The following PCNX2 variants were observed in gnomAD, a reference collection of about 807,000 sequenced individuals.
The protein encoded by PCNX2 is pecanex-like protein 2.
Under a neutral mutation model 223.8 loss-of-function variants are expected in PCNX2, and 168 were observed. The ratio of observed to expected loss-of-function variants is 0.75; its 90% confidence interval spans 0.66 to 0.85. PCNX2 has a LOEUF of 0.85. PCNX2 is among the 40% of genes least tolerant of loss of function. PCNX2 has a pLI of 0.00. For synonymous variants in PCNX2, 1,006 were observed against 1,052.6 expected, an observed-to-expected ratio of 0.96 and a Z score of 0.86; for missense variants, 2,507 against 2,675.5, an observed-to-expected ratio of 0.94 and a Z score of 1.39.
At chr1:233,092,467 G>A (rs1343838107) in intron 22 of PCNX2, among the ~76,000 whole-genome samples, 1 of 152,176 alleles carries the variant, frequency 6.6e-6, no homozygotes, top group Non-Finnish European at 1.5e-5. Context: ...AAGAAGTGAG[G>A]AAACTGTGCT....
At chr1:233,252,889 T>C in intron 5 of PCNX2, 101 bp from the exon 6 acceptor site, 1 of 1,208,752 alleles carries the variant, frequency 8.3e-7, no homozygotes, top group Non-Finnish European at 1.1e-6. Flanking sequence ...AGAAAGAAAA[T>C]CTAAGCAGCT....
rs1676117791 is a variant in PCNX2, at chr1:233,126,672, T to A, written c.3837+8341A>T. On this transcript the variant is annotated intron_variant, in intron 21 of 33. Transcript: ENST00000258229. The surrounding 1 kb of genome is among the most constrained non-coding windows in gnomAD (Gnocchi z 4.8). Reference sequence around the variant, plus strand: ...TTGTATTTTCCATTGCTTTTCTAATTTTATCATGATAAGAATATATTTAGG... The same window carrying A: ...TTGTATTTTCCATTGCTTTTCTAATATTATCATGATAAGAATATATTTAGG... 6.6e-6 allele frequency among the ~76,000 whole-genome samples: 1 copy of A among 152,306 alleles called. No homozygotes were observed. Among genetic ancestry groups the A allele is most frequent in the Admixed American group, 6.5e-5 (1 of 15,292 alleles).
Position 233,232,972 on chromosome 1 carries a change from G to A in PCNX2, c.2358+3873C>T, listed in dbSNP as rs111939184. ...TATCTCATTTTTTAATGTAAGACAA[G>A]CTGAATGAGTTGGAGACCATATCCA... On this transcript the variant is annotated intron_variant, in intron 9 of 33. Transcript: ENST00000258229. The A allele has an allele frequency of 1.2e-3, 1,192 of 985,326 alleles. 8 individuals carry two copies. In the African/African-American group the frequency reaches 0.015, roughly 13 times the overall value. The allele number at this position is 985,326 out of a possible 1,614,324, so 61.0% of individuals were successfully genotyped here. A position where few individuals can be genotyped will look rare whatever the true frequency, so the allele number is the denominator to read the frequency against.
chr1:233,216,289 G>A (rs1656900547), intron 12 of PCNX2, among the ~76,000 whole-genome samples: 1 of 152,232 alleles, frequency 6.6e-6, no homozygotes, highest in Non-Finnish European at 1.5e-5. Flanking sequence ...TCAGAGGAAA[G>A]CACATGGGTG....
intron 23 of PCNX2, among the ~76,000 whole-genome samples, chr1:233,066,562 C>A (rs1672617411): frequency 1.3e-5 from 2 of 152,220 alleles, no homozygotes; most frequent in South Asian, 2.1e-4. Flanking sequence ...GCCTGCCCAG[C>A]CCCACTGCAG....
intron 17 of PCNX2, among the ~76,000 whole-genome samples, chr1:233,165,557 T>C (rs1303275860): frequency 2.6e-5 from 4 of 152,200 alleles, no homozygotes; most frequent in Non-Finnish European, 4.4e-5. Context: ...TAATTTGCCT[T>C]TTCCAATGAC....
rs990897741 is a variant in PCNX2, at chr1:233,242,314, G to A, written c.2223-5334C>T. On this transcript the variant is annotated intron_variant, in intron 8 of 33. Coordinates refer to ENST00000258229, the MANE Select transcript of PCNX2 (RefSeq NM_014801.4). ...ACTCTTATTTTTTAAATAAAAACAA[G>A]TTGAAGTTCCATCCTTGATATAAAA... Among the ~76,000 whole-genome samples, 3 of 152,206 alleles carry A rather than the reference G, an allele frequency of 2.0e-5. No homozygotes were observed. In the South Asian group the frequency reaches 6.2e-4, roughly 32 times the overall value.
intron 15 of PCNX2, among the ~76,000 whole-genome samples, chr1:233,190,324 G>C (rs1446091026): frequency 6.6e-6 from 1 of 152,170 alleles, no homozygotes; most frequent in Non-Finnish European, 1.5e-5. Flanking sequence ...TTTGATTGAA[G>C]ATGGGTGAGC....
intron 13 of PCNX2, 117 bp from the exon 14 acceptor site, chr1:233,200,381 A>ATAT: frequency 2.3e-6 from 1 of 429,180 alleles, no homozygotes; most frequent in Non-Finnish European, 3.8e-6. Flanking sequence ...ACTGGAGGCA[A>ATAT]TCTTTTTTTT....
rs1675192211 is a variant in PCNX2, at chr1:233,112,842, T to C, written c.3838-16979A>G. On this transcript the variant is annotated intron_variant, in intron 21 of 33. Transcript: ENST00000258229. ...CAAATGGGGAGAAAAAGCTGACTCTTACTTTGAAGGCTGAAGGGCAGAGGA... is the reference window on the plus strand; with the variant it reads ...CAAATGGGGAGAAAAAGCTGACTCTCACTTTGAAGGCTGAAGGGCAGAGGA... 16 of 1,278,918 alleles carry C rather than the reference T, an allele frequency of 1.3e-5. No homozygotes were observed. In the South Asian group the frequency reaches 1.7e-4, roughly 14 times the overall value. 79.2% of individuals were successfully genotyped at this position (1,278,918 alleles called of 1,614,324 possible). A position where few individuals can be genotyped will look rare whatever the true frequency, so the allele number is the denominator to read the frequency against.
chr1:233,163,434 C>T (rs560592836), intron 17 of PCNX2, among the ~76,000 whole-genome samples: 8 of 151,118 alleles, frequency 5.3e-5, no homozygotes, highest in Non-Finnish European at 8.9e-5. Context: ...TGCAGTGAGC[C>T]GAGATCACAC....
intron 9 of PCNX2, among the ~76,000 whole-genome samples, chr1:233,236,442 C>T (rs895478931): frequency 2.0e-5 from 3 of 151,564 alleles, no homozygotes; most frequent in African/African-American, 7.3e-5. Flanking sequence ...TTATGTCAAA[C>T]ATTTAAGAAT....
intron 1 of PCNX2, among the ~76,000 whole-genome samples, chr1:233,294,774 T>TA (rs928941619): frequency 6.6e-6 from 1 of 152,218 alleles, no homozygotes; most frequent in African/African-American, 2.4e-5. Flanking sequence ...TAAAGTACAT[T>TA]AGATTTATCC....
chr1:233,041,849 T>C lies in PCNX2; in HGVS notation c.4351+12419A>G, dbSNP rs61018054. ...TAGCACATAAATTCAGAGTCAGGAATGATGGTGATTCCAAACAACCACAGA... is the reference window on the plus strand; with the variant it reads ...TAGCACATAAATTCAGAGTCAGGAACGATGGTGATTCCAAACAACCACAGA... On this transcript the variant is annotated intron_variant, in intron 25 of 33. Transcript: ENST00000258229. Among the ~76,000 whole-genome samples, 102 of 152,352 alleles carry C rather than the reference T, an allele frequency of 6.7e-4. 1 individual carries two copies. The highest frequency in any genetic ancestry group is 2.4e-3 in the African/African-American group (99 of 41,592).
At chr1:233,167,264 C>T (rs4649290) in intron 17 of PCNX2, among the ~76,000 whole-genome samples, 11,938 of 152,140 alleles carry the variant, frequency 0.078, 679 homozygotes, top group East Asian at 0.31. Context: ...ACCTGGAGCA[C>T]ATTTTGCTAA....
At chr1:233,254,866 C>T (rs944570388) in intron 5 of PCNX2, among the ~76,000 whole-genome samples, 4 of 151,848 alleles carry the variant, frequency 2.6e-5, no homozygotes, top group Admixed American at 2.6e-4. Flanking sequence ...TTTAAATAGA[C>T]CCTGACTATA....
At chr1:233,144,292 T>A (rs1268157867) in intron 19 of PCNX2, among the ~76,000 whole-genome samples, 1 of 152,176 alleles carries the variant, frequency 6.6e-6, no homozygotes, top group Non-Finnish European at 1.5e-5. Context: ...GTAGCTACAC[T>A]CATTTTCTCA....
chr1:233,079,450 G>GGGA (rs780349309), intron 23 of PCNX2, among the ~76,000 whole-genome samples: 1 of 151,332 alleles, frequency 6.6e-6, no homozygotes, highest in Non-Finnish European at 1.5e-5. Flanking sequence ...ACTTGAAGCT[G>GGGA]GGAGGAGGAG....
At chr1:233,057,686 A>T in intron 23 of PCNX2, 1 of 183,134 alleles carries the variant, frequency 5.5e-6, no homozygotes, top group Non-Finnish European at 1.1e-5. Flanking sequence ...TCTGGCAAAC[A>T]GTGTGAAACT....
Sources: gnomAD v4.1 joint callset for allele counts (sites outside exome capture counted in the v4.1 genomes callset) on GRCh38, gnomAD v4.1.1 for gene constraint, Gnocchi (gnomAD v3.1) non-coding constraint, MANE v1.5 for transcripts, NCBI Gene and HGNC (gene_info 2026-07-23, HGNC 2026-07-21) for gene names.